PTPRG: variants seen among roughly 807,000 people sequenced by gnomAD.
PTPRG encodes receptor-type tyrosine-protein phosphatase gamma.
In PTPRG, 102 loss-of-function variants were observed where a neutral mutation model predicts 165.3. The observed-to-expected ratio is 0.62, with a 90% CI of 0.53 to 0.73. PTPRG has a LOEUF of 0.73. Ranked by LOEUF, PTPRG falls within the 30% of genes least tolerant of loss-of-function variation. The pLI is 0.00. For synonymous variants in PTPRG, 675 were observed against 669.5 expected, an observed-to-expected ratio of 1.01 and a Z score of -0.13; for missense variants, 1,866 against 1,861.4, an observed-to-expected ratio of 1.00 and a Z score of -0.05.
At chr3:61,879,295 G>A (rs1326254630) in intron 2 of PTPRG, among the ~76,000 whole-genome samples, 1 of 152,126 alleles carries the variant, frequency 6.6e-6, no homozygotes, top group Non-Finnish European at 1.5e-5. Flanking sequence ...GCGTCCTCAC[G>A]ATCAGCTCAT....
At chr3:61,831,385 T>A (rs776891155) in intron 2 of PTPRG, among the ~76,000 whole-genome samples, 5 of 152,254 alleles carry the variant, frequency 3.3e-5, no homozygotes, top group Non-Finnish European at 7.3e-5. Context: ...CATAAAATCA[T>A]TGGGATAATT....
chr3:61,784,908 G>C (rs2034650029), intron 2 of PTPRG, among the ~76,000 whole-genome samples: 1 of 152,146 alleles, frequency 6.6e-6, no homozygotes, highest in African/African-American at 2.4e-5. Flanking sequence ...TTTAAAATTA[G>C]AGAGTTGAAG....
chr3:61,678,021 G>T lies in PTPRG; in HGVS notation c.86-70857G>T, dbSNP rs73095559. Among the ~76,000 whole-genome samples, 1,068 of 152,312 alleles carry T rather than the reference G, an allele frequency of 7.0e-3. 7 individuals are homozygous for T. The highest frequency in any genetic ancestry group is 0.015 in the Admixed American group (227 of 15,302). On this transcript the variant is annotated intron_variant, in intron 1 of 29. Coordinates refer to ENST00000474889, the MANE Select transcript of PTPRG (RefSeq NM_002841.4). The stretch of plus-strand genomic sequence containing the variant: ...TTGGTAACACAACATGCTGTGTGCA[G>T]AACTGGGGCAGAGTCCTGATGTTGG...
intron 1 of PTPRG, among the ~76,000 whole-genome samples, chr3:61,632,958 T>C (rs191335879): frequency 2.6e-5 from 4 of 152,356 alleles, no homozygotes; most frequent in African/African-American, 9.6e-5. Context: ...TTCCAGAATT[T>C]ATGAAACTTT....
intron 2 of PTPRG, among the ~76,000 whole-genome samples, chr3:61,797,591 ACCC>A (rs1009754096): frequency 1.4e-5 from 1 of 72,848 alleles, no homozygotes; most frequent in African/African-American, 5.5e-5. Flanking sequence ...ACCCCCCCCC[ACCC>A]CCCCACCTCC....
chr3:62,207,516 A>G (rs1455264917), intron 12 of PTPRG, among the ~76,000 whole-genome samples: 1 of 152,092 alleles, frequency 6.6e-6, no homozygotes, highest in Non-Finnish European at 1.5e-5. Context: ...AATGTTAGTG[A>G]TTTATTTTAA....
At chr3:62,137,434 C>A (rs1348245204) in intron 6 of PTPRG, among the ~76,000 whole-genome samples, 1 of 152,170 alleles carries the variant, frequency 6.6e-6, no homozygotes, top group Non-Finnish European at 1.5e-5. Context: ...AGGCAAAACT[C>A]TGCAGCCCAA....
Position 61,579,850 on chromosome 3 carries a change from G to A in PTPRG, c.85+17478G>A, listed in dbSNP as rs950411583. Among the ~76,000 whole-genome samples, 5 of 152,294 alleles carry A rather than the reference G, an allele frequency of 3.3e-5. No homozygotes were observed. In the South Asian group the frequency reaches 1.0e-3, roughly 32 times the overall value. On this transcript the variant is annotated intron_variant, in intron 1 of 29. Transcript: ENST00000474889. ...CCACTGTAGGGATACATGGAGTAGG[G>A]TGAAGTCTTTGTATACACAGCTGAC...
chr3:62,268,984 G>A (rs748926439), intron 19 of PTPRG, 51 bp from the exon 20 acceptor site: 7 of 1,486,192 alleles, frequency 4.7e-6, no homozygotes, highest in Non-Finnish European at 6.3e-6. Flanking sequence ...ATTATCAACA[G>A]AATTGTGGCA....
intron 5 of PTPRG, among the ~76,000 whole-genome samples, chr3:62,104,825 A>G (rs1389281455): frequency 6.6e-6 from 1 of 152,236 alleles, no homozygotes; most frequent in Non-Finnish European, 1.5e-5. Flanking sequence ...CAAAAACTTC[A>G]GAGCTTTGCA....
chr3:61,656,290 A>C (rs1363415564), intron 1 of PTPRG, among the ~76,000 whole-genome samples: 1 of 152,168 alleles, frequency 6.6e-6, no homozygotes, highest in East Asian at 1.9e-4. Context: ...TGAGTGTGTG[A>C]GCATCCCTCA....
intron 2 of PTPRG, among the ~76,000 whole-genome samples, chr3:61,938,207 G>A (rs921744292): frequency 3.4e-5 from 5 of 145,158 alleles, no homozygotes; most frequent in Admixed American, 1.4e-4. Context: ...TTGTTTTCTG[G>A]GTAGCTTATC....
chr3:61,878,045 A>AT (rs1408142593), intron 2 of PTPRG, among the ~76,000 whole-genome samples: 7 of 152,112 alleles, frequency 4.6e-5, no homozygotes, highest in Admixed American at 1.3e-4. Context: ...TAAATTTGGG[A>AT]TTTTTTGTAT....
chr3:61,672,769 G>GAGA (rs1559550823), intron 1 of PTPRG, among the ~76,000 whole-genome samples: 1 of 145,138 alleles, frequency 6.9e-6, no homozygotes, highest in Non-Finnish European at 1.5e-5. Context: ...GGAGAAGAGG[G>GAGA]AGAGGGAGAG....
At chr3:61,867,715 T>C (rs919777877) in intron 2 of PTPRG, among the ~76,000 whole-genome samples, 19 of 152,192 alleles carry the variant, frequency 1.2e-4, no homozygotes, top group African/African-American at 4.6e-4. Flanking sequence ...CTCTTCTTTA[T>C]AGATACTCTG....
intron 4 of PTPRG, among the ~76,000 whole-genome samples, chr3:62,065,593 A>G (rs760136507): frequency 6.6e-6 from 1 of 152,170 alleles, no homozygotes; most frequent in Non-Finnish European, 1.5e-5. Flanking sequence ...AATAATAATA[A>G]TAATAAAAAA....
intron 2 of PTPRG, among the ~76,000 whole-genome samples, chr3:61,852,623 G>T (rs1414919760): frequency 6.6e-6 from 1 of 152,166 alleles, no homozygotes; most frequent in African/African-American, 2.4e-5. Context: ...GAGTTAAATT[G>T]ATGAGTCTTT....
chr3:61,892,604 G>A (rs1044819772), intron 2 of PTPRG, among the ~76,000 whole-genome samples: 27 of 152,126 alleles, frequency 1.8e-4, no homozygotes, highest in Non-Finnish European at 4.4e-5. Context: ...ATCACCTGAG[G>A]TCAGGAGTTT....
intron 9 of PTPRG, among the ~76,000 whole-genome samples, chr3:62,193,747 C>A (rs763952740): frequency 6.6e-6 from 1 of 152,216 alleles, no homozygotes; most frequent in East Asian, 1.9e-4. Context: ...GGTGTGGCCA[C>A]AATAACATTT....
Sources: gnomAD v4.1 joint callset for allele counts (sites outside exome capture counted in the v4.1 genomes callset) on GRCh38, gnomAD v4.1.1 for gene constraint, MANE v1.5 for transcripts, NCBI Gene and HGNC (gene_info 2026-07-23, HGNC 2026-07-21) for gene names.